Variants in IL7 observed in about 807,000 individuals in gnomAD.
IL7 encodes interleukin-7.
Under a neutral mutation model 21.6 loss-of-function variants are expected in IL7, and 3 were observed. That is an observed-to-expected ratio of 0.14 (90% CI 0.06 to 0.36). IL7 has a LOEUF of 0.36. IL7 is among the 10% of genes least tolerant of loss of function. The pLI is 1.00. For missense variants in IL7, 175 were observed against 200.2 expected, an observed-to-expected ratio of 0.87 and a Z score of 0.76; for synonymous variants, 62 against 68.1, an observed-to-expected ratio of 0.91 and a Z score of 0.44.
chr8:78,712,110 A>C, intron 3 of IL7: 1 of 1,264,596 alleles, frequency 7.9e-7, no homozygotes. Context: ...TTTACAAGTA[A>C]GTATTTGTAA....
At chr8:78,789,002 G>A (rs1411193220) in intron 2 of IL7, among the ~76,000 whole-genome samples, 4 of 152,038 alleles carry the variant, frequency 2.6e-5, no homozygotes, top group Non-Finnish European at 5.9e-5. Flanking sequence ...AGTCCGCCTT[G>A]CTCTGAAGTT....
At chr8:78,791,902 AT>A (rs1813709165) in intron 2 of IL7, among the ~76,000 whole-genome samples, 2 of 152,176 alleles carry the variant, frequency 1.3e-5, no homozygotes, top group Admixed American at 6.5e-5. Context: ...TTTAGATTGC[AT>A]TTAAATTATA....
chr8:78,802,061 C>T (rs190978081), intron 1 of IL7, among the ~76,000 whole-genome samples: 1 of 152,268 alleles, frequency 6.6e-6, no homozygotes, highest in African/African-American at 2.4e-5. Flanking sequence ...CCCTTACTTC[C>T]CCTGAAGAGG....
chr8:78,738,480 C>A, intron 4 of IL7, 24 bp downstream of exon 4: 2 of 1,593,438 alleles, frequency 1.3e-6, no homozygotes, highest in South Asian at 2.3e-5. Context: ...TATTTTTATT[C>A]AAAGTAAATA....
intron 3 of IL7, among the ~76,000 whole-genome samples, chr8:78,723,305 T>C (rs1811282373): frequency 6.6e-6 from 1 of 151,916 alleles, no homozygotes; most frequent in Non-Finnish European, 1.5e-5. Flanking sequence ...TGTGTGACAC[T>C]GTTTTAGGTG....
intron 4 of IL7, among the ~76,000 whole-genome samples, chr8:78,685,516 A>T (rs12680932): frequency 0.2 from 30,569 of 152,086 alleles, 3,463 homozygotes; most frequent in Middle Eastern, 0.34. Flanking sequence ...CAAAAGACAG[A>T]TTGTTGGTGG....
intron 5 of IL7, among the ~76,000 whole-genome samples, chr8:78,734,381 A>T (rs998802210): frequency 6.6e-6 from 1 of 152,190 alleles, no homozygotes; most frequent in Non-Finnish European, 1.5e-5. Flanking sequence ...CTGTAGGAAG[A>T]AAGAGATACT....
At chr8:78,795,356 T>G (rs1219843908) in intron 2 of IL7, among the ~76,000 whole-genome samples, 2 of 152,086 alleles carry the variant, frequency 1.3e-5, no homozygotes, top group African/African-American at 2.4e-5. Context: ...TCACCTTCTA[T>G]GTATAGAAAA....
chr8:78,687,905 T>G (rs1407508974), intron 3 of IL7, among the ~76,000 whole-genome samples: 1 of 56,404 alleles, frequency 1.8e-5, no homozygotes, highest in Non-Finnish European at 4.6e-5. Flanking sequence ...TTATATATAT[T>G]TATATAAATA....
Position 78,771,016 on chromosome 8 carries a change from C to T in IL7, c.147+27056G>A, listed in dbSNP as rs544733057. Among the ~76,000 whole-genome samples the T allele has an allele frequency of 6.6e-5, 10 of 152,128 alleles. No homozygotes were observed. The East Asian group carries it at 7.7e-4, about 12-fold the overall frequency. ...CCACAACTTGCTGTCATAGAAATGACGAACTTCATGAAATCACCACTTTCC... is the reference window on the plus strand; with the variant it reads ...CCACAACTTGCTGTCATAGAAATGATGAACTTCATGAAATCACCACTTTCC... On this transcript the variant is annotated intron_variant, in intron 2 of 5. Transcript: ENST00000263851.
intron 2 of IL7, chr8:78,762,107 C>G: frequency 3.1e-6 from 5 of 1,597,806 alleles, no homozygotes; most frequent in Non-Finnish European, 4.3e-6. Flanking sequence ...TTCATCTTCA[C>G]TCAGTTCTTT....
intron 3 of IL7, among the ~76,000 whole-genome samples, chr8:78,703,045 T>A (rs1810658387): frequency 6.6e-6 from 1 of 152,008 alleles, no homozygotes; most frequent in South Asian, 2.1e-4. Context: ...TACAGGGATG[T>A]GCCACCACAC....
chr8:78,799,337 C>A (rs975658055), intron 1 of IL7, among the ~76,000 whole-genome samples: 3 of 152,098 alleles, frequency 2.0e-5, no homozygotes, highest in African/African-American at 4.8e-5. Context: ...ATATCATGAT[C>A]TGTCATATAA....
intron 4 of IL7, among the ~76,000 whole-genome samples, chr8:78,685,349 A>T (rs192112500): frequency 4.7e-4 from 72 of 152,308 alleles, no homozygotes; most frequent in African/African-American, 1.6e-3. Context: ...TTTTAATTGA[A>T]ACTGGAAGTT....
chr8:78,768,021 T>C (rs1812815132), intron 2 of IL7, among the ~76,000 whole-genome samples: 1 of 152,010 alleles, frequency 6.6e-6, no homozygotes, highest in Non-Finnish European at 1.5e-5. Flanking sequence ...ATATGCGGTG[T>C]TTGGCTTTTT....
At chr8:78,727,490 C>A (rs543449050) in intron 3 of IL7, among the ~76,000 whole-genome samples, 1 of 152,050 alleles carries the variant, frequency 6.6e-6, no homozygotes, top group South Asian at 2.1e-4. Flanking sequence ...TGACATATTT[C>A]AATAACAAGT....
At chr8:78,801,077 C>T (rs967057870) in intron 1 of IL7, among the ~76,000 whole-genome samples, 11 of 152,154 alleles carry the variant, frequency 7.2e-5, no homozygotes, top group East Asian at 3.9e-4. Context: ...GTATATTACA[C>T]GTACTTTCTC....
At chr8:78,720,281 G>C (rs1164904586) in intron 5 of IL7, among the ~76,000 whole-genome samples, 1 of 151,640 alleles carries the variant, frequency 6.6e-6, no homozygotes, top group Non-Finnish European at 1.5e-5. Flanking sequence ...CAGAACACTT[G>C]GGTATTTATT....
At chr8:78,714,544 A>G (rs553349286), downstream of IL7, among the ~76,000 whole-genome samples, 1 of 152,258 alleles carries the variant, frequency 6.6e-6, no homozygotes, top group African/African-American at 2.4e-5. Context: ...ATTTGAATCT[A>G]AATTCATTTG....
Sources: gnomAD v4.1 joint callset for allele counts (sites outside exome capture counted in the v4.1 genomes callset) on GRCh38, gnomAD v4.1.1 for gene constraint, MANE v1.5 for transcripts, NCBI Gene and HGNC (gene_info 2026-07-23, HGNC 2026-07-21) for gene names.